The following TMEM132C variants were observed in gnomAD, a reference collection of about 807,000 sequenced individuals.
TMEM132C encodes the protein transmembrane protein 132C, also known as protein phosphatase 1, regulatory subunit 152.
In TMEM132C, 29 loss-of-function variants were observed where a neutral mutation model predicts 61.4. The ratio of observed to expected loss-of-function variants is 0.47; its 90% CI spans 0.35 to 0.64. The LOEUF (loss-of-function observed/expected upper bound fraction) is 0.64, where lower values mean the gene tolerates loss of function less well. TMEM132C is among the 30% of genes least tolerant of loss of function. The pLI, the probability that TMEM132C is intolerant of heterozygous loss-of-function variation, is 0.00. For missense variants in TMEM132C, 1,408 were observed against 1,476.9 expected, an observed-to-expected ratio of 0.95 and a Z score of 0.76; for synonymous variants, 656 against 633.1, an observed-to-expected ratio of 1.04 and a Z score of -0.54.
rs138978084 is a variant in TMEM132C, at chr12:128,299,337, G to A, written c.85+31850G>A. 5.9e-5 allele frequency among the ~76,000 whole-genome samples: 9 copies of A among 152,250 alleles called. No individual in the cohort carries two copies. In the East Asian group the frequency reaches 1.7e-3, roughly 29 times the overall value. On this transcript the variant is annotated intron_variant, in intron 1 of 8. Transcript: ENST00000435159. ...CAACCACAAGAAACACCTGATCCCT[G>A]GGTGGTTAATGTATACCTGGATGCC...
chr12:128,478,484 G>C (rs1871222682), intron 2 of TMEM132C, among the ~76,000 whole-genome samples: 1 of 152,184 alleles, frequency 6.6e-6, no homozygotes, highest in Admixed American at 6.5e-5. Flanking sequence ...AAGAACACTA[G>C]AAATTTCATT....
intron 3 of TMEM132C, among the ~76,000 whole-genome samples, chr12:128,550,776 T>C (rs1284602672): frequency 2.6e-5 from 4 of 152,302 alleles, no homozygotes; most frequent in Admixed American, 2.6e-4. Context: ...AATCATGGGG[T>C]TGGCTCTGTC....
intron 2 of TMEM132C, among the ~76,000 whole-genome samples, chr12:128,431,906 C>T (rs938274769): frequency 2.6e-5 from 4 of 152,124 alleles, no homozygotes; most frequent in African/African-American, 7.2e-5. Flanking sequence ...TAACTCTCTC[C>T]TTAGGAGCTA....
chr12:128,609,800 C>A (rs985481392), intron 3 of TMEM132C, among the ~76,000 whole-genome samples: 3 of 152,142 alleles, frequency 2.0e-5, no homozygotes, highest in African/African-American at 7.2e-5. Flanking sequence ...CTTAGTCAGA[C>A]CTTTGAATGA....
At chr12:128,424,387 C>A (rs1317354648) in intron 2 of TMEM132C, among the ~76,000 whole-genome samples, 1 of 148,310 alleles carries the variant, frequency 6.7e-6, no homozygotes, top group Non-Finnish European at 1.5e-5. Context: ...ATTATTCAGC[C>A]ATAAAAGGAA....
chr12:128,706,461 G>A lies in TMEM132C; in HGVS notation c.*166G>A, dbSNP rs530261461. On this transcript the variant is annotated 3_prime_UTR_variant, in exon 9 of 9. Coordinates refer to ENST00000435159, the MANE Select transcript of TMEM132C (RefSeq NM_001136103.3). ...AGGAAAAGACGTTTTTGTATCAAGG[G>A]ATTTTTAGCAGTTAATGGTGGTGGA... is the stretch of plus-strand genomic sequence containing the variant. 35 of 920,382 alleles carry A rather than the reference G, an allele frequency of 3.8e-5. No individual in the cohort carries two copies. The highest frequency in any genetic ancestry group is 2.0e-5 in the Non-Finnish European group (13 of 658,538). 57.0% of individuals were successfully genotyped at this position (920,382 alleles called of 1,614,324 possible). A position where few individuals can be genotyped will look rare whatever the true frequency, so the allele number is the denominator to read the frequency against.
At chr12:128,444,292 C>G (rs1046673486) in intron 2 of TMEM132C, among the ~76,000 whole-genome samples, 1 of 152,122 alleles carries the variant, frequency 6.6e-6, no homozygotes, top group Non-Finnish European at 1.5e-5. Flanking sequence ...ATCTTTGCAC[C>G]GTGGATTTGT....
chr12:128,691,242 G>A (rs1162889889), intron 5 of TMEM132C, among the ~76,000 whole-genome samples: 1 of 152,234 alleles, frequency 6.6e-6, no homozygotes, highest in Non-Finnish European at 1.5e-5. Context: ...CCCAAGAAAG[G>A]TTAGGAAACA....
chr12:128,456,960 T>A (rs1051736037), intron 2 of TMEM132C, among the ~76,000 whole-genome samples: 2 of 152,206 alleles, frequency 1.3e-5, no homozygotes, highest in Non-Finnish European at 2.9e-5. Flanking sequence ...TTTTGGGGAT[T>A]CATCCATGTT....
chr12:128,487,468 G>A, intron 2 of TMEM132C, among the ~76,000 whole-genome samples: 1 of 7,524 alleles, frequency 1.3e-4, no homozygotes, highest in South Asian at 0.014. Flanking sequence ...CATATAAATT[G>A]TGTGCGTGTG....
chr12:128,395,349 T>G (rs747642008), intron 1 of TMEM132C, among the ~76,000 whole-genome samples: 1 of 152,150 alleles, frequency 6.6e-6, no homozygotes, highest in African/African-American at 2.4e-5. Flanking sequence ...TGTGTAATAA[T>G]GGTAACTATC....
Position 128,705,366 on chromosome 12 carries a change from G to A in TMEM132C, c.2398G>A (p.Gly800Arg), listed in dbSNP as rs760430113. Residue 800 changes from glycine to arginine, a missense_variant, in exon 9 of 9, where the codon GGA becomes AGA. Transcript: ENST00000435159. ...CGTCGGCAACGTCAGGGTCAAGTTCGGACAGAACGATGCTGACTCCAGCCC... is the reference window on the plus strand; with the variant it reads ...CGTCGGCAACGTCAGGGTCAAGTTCAGACAGAACGATGCTGACTCCAGCCC... ...VGVGNVRVKF[G>R]QNDADSSPGG... 18 of 1,551,300 alleles carry A rather than the reference G, an allele frequency of 1.2e-5. No individual in the cohort carries two copies. Among genetic ancestry groups the A allele is most frequent in the African/African-American group, 9.6e-5 (7 of 73,052 alleles).
chr12:128,476,316 C>T (rs901684012), intron 2 of TMEM132C, among the ~76,000 whole-genome samples: 1 of 152,156 alleles, frequency 6.6e-6, no homozygotes, highest in African/African-American at 2.4e-5. Context: ...TTGCAGCGTG[C>T]ACATGGCAGT....
intron 3 of TMEM132C, among the ~76,000 whole-genome samples, chr12:128,585,433 T>G (rs779040421): frequency 7.9e-5 from 12 of 152,182 alleles, no homozygotes; most frequent in Admixed American, 6.5e-5. Flanking sequence ...CAACCATTCT[T>G]GCAGGAGTGT....
intron 1 of TMEM132C, among the ~76,000 whole-genome samples, chr12:128,382,129 G>A (rs761662293): frequency 6.6e-6 from 1 of 151,696 alleles, no homozygotes; most frequent in Non-Finnish European, 1.5e-5. Context: ...CTGCCGCTCT[G>A]TAATATTTCA....
intron 2 of TMEM132C, among the ~76,000 whole-genome samples, chr12:128,522,464 T>G (rs539817471): frequency 6.6e-6 from 1 of 152,334 alleles, no homozygotes; most frequent in South Asian, 2.1e-4. Flanking sequence ...TTGGCATTGC[T>G]TGGTTGTGTT....
At chr12:128,467,179 A>G (rs1870762657) in intron 2 of TMEM132C, among the ~76,000 whole-genome samples, 1 of 152,170 alleles carries the variant, frequency 6.6e-6, no homozygotes, top group Admixed American at 6.5e-5. Context: ...CTTCTGAACT[A>G]TTTATATGTG....
chr12:128,292,948 A>ATGTG (rs549401224), intron 1 of TMEM132C, among the ~76,000 whole-genome samples: 9 of 138,376 alleles, frequency 6.5e-5, no homozygotes, highest in African/African-American at 2.3e-4. Flanking sequence ...TGGTGTAGGT[A>ATGTG]TGTGTATGTG....
In TMEM132C at chr12:128,706,776, C is replaced by CT. The variant is rs1269953139; in HGVS notation, c.*482dup. The CT allele has an allele frequency of 1.3e-5, 2 of 153,040 alleles. No individual in the cohort carries two copies. The highest frequency in any genetic ancestry group is 1.9e-4 in the East Asian group (1 of 5,222). 9.5% of individuals were successfully genotyped at this position (153,040 alleles called of 1,614,324 possible). On this transcript the variant is annotated 3_prime_UTR_variant, in exon 9 of 9. Coordinates refer to ENST00000435159, the MANE Select transcript of TMEM132C (RefSeq NM_001136103.3). ...ACAGCCTTCAACTGTCACCACACAG[C>CT]TGGGGGGGAGTCATTTCTTAACAAG... is the stretch of plus-strand genomic sequence containing the variant.
Sources: gnomAD v4.1 joint callset for allele counts (sites outside exome capture counted in the v4.1 genomes callset) on GRCh38, gnomAD v4.1.1 for gene constraint, MANE v1.5 for transcripts, NCBI Gene and HGNC (gene_info 2026-07-23, HGNC 2026-07-21) for gene names.